Variants in SHANK2 observed in about 807,000 individuals in gnomAD.
The protein encoded by SHANK2 is SH3 and multiple ankyrin repeat domains 2.
A neutral mutation model predicts 133.7 loss-of-function variants in SHANK2; 43 were observed. The observed-to-expected ratio is 0.32, with a 90% confidence interval of 0.25 to 0.41. The LOEUF (loss-of-function observed/expected upper bound fraction) is 0.41. SHANK2 is among the 10% of genes least tolerant of loss of function. SHANK2 has a pLI of 1.00. For synonymous variants in SHANK2, 1,017 were observed against 952.8 expected (o/e 1.07, Z -1.24); for missense variants, 1,994 against 2,235.8 (o/e 0.89, Z 2.18).
At chr11:70,642,293 A>T (rs7946437) in intron 17 of SHANK2, among the ~76,000 whole-genome samples, 48,153 of 149,222 alleles carry the variant, frequency 0.32, 8,123 homozygotes, top group Middle Eastern at 0.38. Flanking sequence ...ATGGGTCTTA[A>T]AACTTTGATT....
At position 70,502,741 on chromosome 11, in the gene SHANK2, ACC is replaced by A. The variant is rs1555159047; in HGVS notation, c.2197+53_2197+54del. 1,303 of 385,936 alleles carry A rather than the reference ACC, an allele frequency of 3.4e-3. 21 individuals are homozygous for A. The African/African-American group carries it at 0.037, about 11-fold the overall frequency. The allele number at this position is 385,936 out of a possible 1,614,324, so 23.9% of individuals were successfully genotyped here. ...CCCCCCAGCTGTCCTGCCCGCCCCC[ACC>A]CCCCCCCCCCAGTAGGGCCCCAGGC... is the stretch of plus-strand genomic sequence containing the variant. On this transcript the variant is annotated intron_variant, in intron 18 of 25. Transcript: ENST00000601538.
At chr11:70,758,334 G>T (rs1452886583) in intron 14 of SHANK2, among the ~76,000 whole-genome samples, 1 of 151,950 alleles carries the variant, frequency 6.6e-6, no homozygotes, top group East Asian at 1.9e-4. Flanking sequence ...GTGAGCTTTC[G>T]CTCGCCATCC....
chr11:70,503,007 G>C, intron 17 of SHANK2, 76 bp from the exon 18 acceptor site: 1 of 1,535,062 alleles, frequency 6.5e-7, no homozygotes, highest in Non-Finnish European at 9.0e-7. Context: ...CCAAGGCAGA[G>C]ACATGTGGGC....
chr11:71,081,182 C>T (rs1565439533), intron 8 of SHANK2, among the ~76,000 whole-genome samples: 2 of 152,110 alleles, frequency 1.3e-5, no homozygotes, highest in South Asian at 2.1e-4. Flanking sequence ...AGAGAAAAGG[C>T]GGTGTCTGCA....
chr11:71,127,702 A>G (rs575586454), intron 3 of SHANK2, among the ~76,000 whole-genome samples: 73 of 152,378 alleles, frequency 4.8e-4, no homozygotes, highest in Non-Finnish European at 9.1e-4. Context: ...GACTACATAG[A>G]GTATAAATAT....
intron 9 of SHANK2, among the ~76,000 whole-genome samples, chr11:71,073,159 TTTTTTC>T (rs1590884727): frequency 0.34 from 25,092 of 72,834 alleles, 8,546 homozygotes; most frequent in Non-Finnish European, 0.49. Context: ...TTTTTTTCTT[TTTTTTC>T]TTTTTTTTTT....
chr11:70,774,462 G>T lies in SHANK2; in HGVS notation c.1777+23981C>A, dbSNP rs1246790438. ...CACCTCCTGAGTAGCTGGGACTACA[G>T]GTGCATACCACCATACCCAGCTAAT... On this transcript the variant is annotated intron_variant, in intron 14 of 25. Transcript: ENST00000601538. Among the ~76,000 whole-genome samples, 5 of 152,090 alleles carry T rather than the reference G, an allele frequency of 3.3e-5. 1 individual carries two copies. The highest frequency in any genetic ancestry group is 2.0e-4 in the Admixed American group (3 of 15,274).
intron 15 of SHANK2, among the ~76,000 whole-genome samples, chr11:70,673,569 C>T (rs782410181): frequency 3.3e-5 from 5 of 152,212 alleles, no homozygotes; most frequent in Admixed American, 6.5e-5. Context: ...CCTCCTCTCC[C>T]GGGAACCAGA....
At chr11:70,734,465 T>C (rs1004529909) in intron 14 of SHANK2, among the ~76,000 whole-genome samples, 2 of 152,158 alleles carry the variant, frequency 1.3e-5, no homozygotes, top group Non-Finnish European at 2.9e-5. Flanking sequence ...AGGGTGCCTG[T>C]AGCTGGGCTG....
intron 17 of SHANK2, among the ~76,000 whole-genome samples, chr11:70,519,300 C>T (rs782219667): frequency 2.5e-4 from 38 of 152,186 alleles, no homozygotes; most frequent in Non-Finnish European, 5.0e-4. Context: ...GCCGGATACT[C>T]GCCTTTCATC....
intron 17 of SHANK2, among the ~76,000 whole-genome samples, chr11:70,615,713 C>T (rs966958849): frequency 3.6e-4 from 55 of 152,202 alleles, no homozygotes; most frequent in African/African-American, 1.1e-3. Context: ...AGGTGGTAAG[C>T]GGCGCGTGGT....
At chr11:70,894,217 C>T (rs536411894) in intron 11 of SHANK2, among the ~76,000 whole-genome samples, 4 of 151,872 alleles carry the variant, frequency 2.6e-5, no homozygotes, top group African/African-American at 4.9e-5. Flanking sequence ...TGTTTTGAGA[C>T]AGAGTTTAGC....
At chr11:71,225,606 C>T (rs1555122083) in intron 1 of SHANK2, among the ~76,000 whole-genome samples, 1 of 152,124 alleles carries the variant, frequency 6.6e-6, no homozygotes, top group African/African-American at 2.4e-5. Context: ...TAGAAAATCA[C>T]CCATCAAACC....
At chr11:70,842,095 C>T (rs140007048) in intron 11 of SHANK2, among the ~76,000 whole-genome samples, 65 of 152,308 alleles carry the variant, frequency 4.3e-4, no homozygotes, top group African/African-American at 1.5e-3. Flanking sequence ...CTATTTGGCC[C>T]ATGCTTGTTC....
intron 11 of SHANK2, chr11:70,826,363 T>C (rs1948639826): frequency 2.2e-6 from 1 of 447,418 alleles, no homozygotes; most frequent in Non-Finnish European, 4.7e-6. Context: ...GATTAACAAC[T>C]GGCAATTTTA....
intron 17 of SHANK2, among the ~76,000 whole-genome samples, chr11:70,643,707 C>G (rs1256390993): frequency 1.3e-5 from 2 of 152,010 alleles, no homozygotes; most frequent in Non-Finnish European, 2.9e-5. Context: ...TATACGTTGG[C>G]ATTGTTTTTG....
chr11:71,247,290 G>A (rs1031431252), intron 1 of SHANK2, among the ~76,000 whole-genome samples: 13 of 152,310 alleles, frequency 8.5e-5, no homozygotes, highest in Admixed American at 3.3e-4. Context: ...CAGAGGTACC[G>A]TAGCCTTTAC....
At chr11:71,127,572 C>A (rs1952215267) in intron 3 of SHANK2, among the ~76,000 whole-genome samples, 1 of 152,156 alleles carries the variant, frequency 6.6e-6, no homozygotes. Context: ...GACACTCCAC[C>A]AACAAAAACA....
intron 4 of SHANK2, among the ~76,000 whole-genome samples, chr11:71,114,879 A>G (rs1245132263): frequency 3.3e-5 from 5 of 152,050 alleles, no homozygotes; most frequent in African/African-American, 1.2e-4. Flanking sequence ...CAGACATAAA[A>G]CAATCCGCTT....
Sources: allele counts gnomAD v4.1 joint callset (sites outside exome capture counted in the v4.1 genomes callset), GRCh38; gene constraint gnomAD v4.1.1; transcripts MANE v1.5; gene names NCBI Gene and HGNC (gene_info 2026-07-23, HGNC 2026-07-21).